FAM135B: variants seen among roughly 807,000 people sequenced by gnomAD.
FAM135B encodes protein FAM135B.
A neutral mutation model predicts 127.7 loss-of-function variants in FAM135B; 43 were observed. The ratio of observed to expected loss-of-function variants is 0.34; its 90% CI spans 0.26 to 0.43. FAM135B has a LOEUF of 0.43. Among genes scored for constraint, FAM135B ranks in the 20% least tolerant of loss-of-function variants. The pLI, the probability that FAM135B is intolerant of heterozygous loss-of-function variation, is 1.00. For missense variants in FAM135B, 1,558 were observed against 1,725.6 expected (o/e 0.90, Z 1.72); for synonymous variants, 670 against 665.1 (o/e 1.01, Z -0.11).
intron 7 of FAM135B, among the ~76,000 whole-genome samples, chr8:138,226,184 T>TGTGTGTGTGCGCGCGCGCGCGCGC: frequency 1.4e-5 from 2 of 139,202 alleles, no homozygotes; most frequent in African/African-American, 2.7e-5. Context: ...TGTGTGTGTG[T>TGTGTGTGTGCGCGCGCGCGCGCGC]GCGCGCATGT....
intron 1 of FAM135B, among the ~76,000 whole-genome samples, chr8:138,481,386 G>C (rs1814775703): frequency 6.6e-6 from 1 of 152,228 alleles, no homozygotes; most frequent in South Asian, 2.1e-4. Context: ...TGGCACAGTT[G>C]AAACTGGAAC....
At chr8:138,176,199 T>C (rs1158444813) in intron 11 of FAM135B, among the ~76,000 whole-genome samples, 1 of 152,236 alleles carries the variant, frequency 6.6e-6, no homozygotes, top group Non-Finnish European at 1.5e-5. Context: ...AGGAGAGCAG[T>C]TGTCTTTGAG....
intron 15 of FAM135B, 44 bp downstream of exon 15, chr8:138,145,915 A>G (rs766792613): frequency 2.0e-6 from 2 of 1,002,818 alleles, no homozygotes; most frequent in Non-Finnish European, 1.6e-6. Flanking sequence ...TCATATAAGC[A>G]TGCATCCAGG....
chr8:138,366,319 C>T (rs181481847), intron 2 of FAM135B, among the ~76,000 whole-genome samples: 4,897 of 149,706 alleles, frequency 0.033, 156 homozygotes, highest in East Asian at 0.17. Flanking sequence ...TTCTTGTAAA[C>T]GTGAACCTGA....
intron 1 of FAM135B, among the ~76,000 whole-genome samples, chr8:138,385,739 G>C (rs959928114): frequency 1.3e-5 from 2 of 151,732 alleles, no homozygotes; most frequent in Non-Finnish European, 2.9e-5. Flanking sequence ...TTGAACCCAG[G>C]AGACAGCAGT....
intron 1 of FAM135B, among the ~76,000 whole-genome samples, chr8:138,368,484 T>G (rs545363952): frequency 6.6e-6 from 1 of 152,342 alleles, no homozygotes; most frequent in East Asian, 1.9e-4. Flanking sequence ...ATATGCCACA[T>G]TGAGCACTCT....
At chr8:138,185,186 A>G (rs1393887799) in intron 9 of FAM135B, among the ~76,000 whole-genome samples, 2 of 152,188 alleles carry the variant, frequency 1.3e-5, no homozygotes, top group African/African-American at 4.8e-5. Context: ...CAGGCCTAAT[A>G]AAACCTACAT....
At chr8:138,255,810 G>A (rs189291918) in intron 5 of FAM135B, among the ~76,000 whole-genome samples, 1 of 152,192 alleles carries the variant, frequency 6.6e-6, no homozygotes, top group East Asian at 1.9e-4. Context: ...GGCAGTTCAG[G>A]GTTTACCATA....
chr8:138,243,079 GA>G lies in FAM135B; in HGVS notation c.543-12del, dbSNP rs1224316964. Reference sequence around the variant, plus strand: ...CCTGGACGAGTAAAACTAAACAAAAGATAATTGAAAGGGTGAAAAAGGAGGT... The same window carrying G: ...CCTGGACGAGTAAAACTAAACAAAAGTAATTGAAAGGGTGAAAAAGGAGGT... On this transcript the variant is annotated splice_polypyrimidine_tract_variant and intron_variant, in intron 6 of 19. Transcript: ENST00000395297. This position sits in a 1 kb window ranked among gnomAD's most constrained non-coding sequence, Gnocchi z 7.5. 1.2e-6 allele frequency: 2 copies of G among 1,603,088 alleles called. No individual in the cohort carries two copies. The highest frequency in any genetic ancestry group is 4.5e-5 in the East Asian group (2 of 44,720).
intron 17 of FAM135B, among the ~76,000 whole-genome samples, chr8:138,140,291 TG>T (rs1322501887): frequency 6.6e-6 from 1 of 152,200 alleles, no homozygotes; most frequent in Non-Finnish European, 1.5e-5. Flanking sequence ...CAGGGGACAG[TG>T]GCAGAGGCCT....
intron 1 of FAM135B, among the ~76,000 whole-genome samples, chr8:138,484,478 C>T (rs1814910843): frequency 6.6e-6 from 1 of 152,192 alleles, no homozygotes; most frequent in Admixed American, 6.5e-5. Context: ...CTTCTGGCGA[C>T]TGTGTGACTG....
chr8:138,135,219 A>C (rs1269553969), intron 19 of FAM135B, among the ~76,000 whole-genome samples: 1 of 152,204 alleles, frequency 6.6e-6, no homozygotes, highest in African/African-American at 2.4e-5. Context: ...GGCTTTACCA[A>C]GGTTGAAATG....
intron 4 of FAM135B, among the ~76,000 whole-genome samples, chr8:138,261,019 G>T (rs749658441): frequency 6.6e-6 from 1 of 151,984 alleles, no homozygotes; most frequent in Admixed American, 6.5e-5. Flanking sequence ...CTACTTTACT[G>T]CTTTTTATGG....
chr8:138,451,397 T>G (rs1212171691), intron 1 of FAM135B, among the ~76,000 whole-genome samples: 4 of 152,200 alleles, frequency 2.6e-5, no homozygotes, highest in Admixed American at 6.5e-5. Flanking sequence ...GGCAGTTACT[T>G]GGACAGCAAG....
chr8:138,167,265 G>A (rs1049840773), intron 12 of FAM135B, among the ~76,000 whole-genome samples: 18 of 152,066 alleles, frequency 1.2e-4, no homozygotes, highest in African/African-American at 2.9e-4. Flanking sequence ...GCGAGATCTC[G>A]GTTCACTGCA....
rs531166156 is a variant in FAM135B, at chr8:138,283,048, G to A, written c.158-17206C>T. 2.0e-4 allele frequency among the ~76,000 whole-genome samples: 30 copies of A among 152,090 alleles called. 2 individuals are homozygous for A. Among genetic ancestry groups the A allele is most frequent in the East Asian group, 1.6e-3 (8 of 5,160 alleles). On this transcript the variant is annotated intron_variant, in intron 3 of 19. Coordinates refer to ENST00000395297, the MANE Select transcript of FAM135B (RefSeq NM_015912.4). ...CCTGAGTAGCTGGGATTACAGGCACGTGCCACCATGCCCAGCTAATTTTTG... is the reference window on the plus strand; with the variant it reads ...CCTGAGTAGCTGGGATTACAGGCACATGCCACCATGCCCAGCTAATTTTTG...
intron 15 of FAM135B, 86 bp from the exon 16 acceptor site, chr8:138,143,195 C>A: frequency 1.4e-6 from 1 of 735,616 alleles, no homozygotes; most frequent in Non-Finnish European, 2.4e-6. Context: ...CCACTAAACA[C>A]TGTGGCGCCT....
chr8:138,319,253 C>A (rs1827292243), intron 2 of FAM135B, among the ~76,000 whole-genome samples: 2 of 152,100 alleles, frequency 1.3e-5, no homozygotes, highest in Admixed American at 1.3e-4. Context: ...ATTACAGGAG[C>A]AGGCTACCAC....
At chr8:138,404,428 T>G (rs1231560979) in intron 1 of FAM135B, among the ~76,000 whole-genome samples, 1 of 152,202 alleles carries the variant, frequency 6.6e-6, no homozygotes, top group Non-Finnish European at 1.5e-5. Flanking sequence ...TGCTGAAGGT[T>G]AAGGTGACTG....
Sources: allele counts gnomAD v4.1 joint callset (sites outside exome capture counted in the v4.1 genomes callset), GRCh38; gene constraint gnomAD v4.1.1; non-coding constraint Gnocchi (gnomAD v3.1); transcripts MANE v1.5; gene names NCBI Gene and HGNC (gene_info 2026-07-23, HGNC 2026-07-21).